Variants in BTD observed in about 807,000 individuals in gnomAD.
BTD encodes the protein biotinidase.
In BTD, 13 loss-of-function variants were observed where a neutral mutation model predicts 17.7. The ratio of observed to expected loss-of-function variants is 0.74; its 90% CI spans 0.48 to 1.17. The LOEUF is 1.17. BTD is among the 50% of genes most tolerant of loss of function. The probability of loss-of-function intolerance (pLI) is 0.00; values close to 1 mark genes in which losing one functional copy is unlikely to be tolerated. For missense variants in BTD, 674 were observed against 650.4 expected (o/e 1.04, Z -0.39); for synonymous variants, 240 against 245.2 (o/e 0.98, Z 0.20).
At chr3:15,699,393 G>A (rs2070199985) in intron 3 of BTD, among the ~76,000 whole-genome samples, 1 of 152,008 alleles carries the variant, frequency 6.6e-6, no homozygotes, top group African/African-American at 2.4e-5. Context: ...TAGACAAATG[G>A]GATCTAATTA....
At chr3:15,701,941 A>T (rs918808652) in intron 3 of BTD, among the ~76,000 whole-genome samples, 12 of 151,822 alleles carry the variant, frequency 7.9e-5, no homozygotes, top group Admixed American at 2.0e-4. Context: ...AAGGGCATTT[A>T]AAAAAAATCT....
At chr3:15,644,102 G>A (rs931894192) in intron 3 of BTD, among the ~76,000 whole-genome samples, 7 of 151,866 alleles carry the variant, frequency 4.6e-5, no homozygotes, top group Non-Finnish European at 7.4e-5. Flanking sequence ...CTGGGTTCAC[G>A]CCATTCTCCT....
intron 1 of BTD, among the ~76,000 whole-genome samples, chr3:15,603,130 CAT>C (rs1300531105): frequency 1.3e-5 from 2 of 152,224 alleles, no homozygotes; most frequent in African/African-American, 4.8e-5. Flanking sequence ...CCTCTCACCA[CAT>C]GTGGGGATTA....
Position 15,653,665 on chromosome 3 carries a change from T to A in BTD, c.*8177T>A, listed in dbSNP as rs73817041. ...ATTCAGTGATCTGGAAGAACTCTAA[T>A]GTTCTAAAGTGATTCTTTGATAATT... On this transcript the variant is annotated 3_prime_UTR_variant, in exon 4 of 4. Transcript: ENST00000643237. Among the ~76,000 whole-genome samples the A allele has an allele frequency of 0.037, 5,632 of 152,314 alleles. 278 individuals carry two copies. Among genetic ancestry groups the A allele is most frequent in the African/African-American group, 0.11 (4,709 of 41,528 alleles).
intron 3 of BTD, among the ~76,000 whole-genome samples, chr3:15,700,693 G>T (rs191957746): frequency 2.8e-4 from 42 of 152,290 alleles, no homozygotes; most frequent in African/African-American, 9.4e-4. Flanking sequence ...AGAATTGCTT[G>T]AACTCAGGAG....
chr3:15,680,511 T>C (rs1488661623), intron 3 of BTD, among the ~76,000 whole-genome samples: 1 of 151,996 alleles, frequency 6.6e-6, no homozygotes, highest in Non-Finnish European at 1.5e-5. Flanking sequence ...CCGGCTAAAA[T>C]CTTATTCTTT....
intron 3 of BTD, chr3:15,707,968 G>A (rs775156645): frequency 6.2e-7 from 1 of 1,613,052 alleles, no homozygotes; most frequent in Non-Finnish European, 8.5e-7. Flanking sequence ...GGGGTGTGCA[G>A]CCTCTTTCAT....
chr3:15,689,361 T>G (rs1027239483), intron 3 of BTD, among the ~76,000 whole-genome samples: 8 of 152,154 alleles, frequency 5.3e-5, no homozygotes, highest in Non-Finnish European at 8.8e-5. Context: ...GAGTAACCAG[T>G]AGGTGTGACA....
chr3:15,612,558 G>T (rs1163934600), intron 1 of BTD, among the ~76,000 whole-genome samples: 1 of 152,084 alleles, frequency 6.6e-6, no homozygotes, highest in Admixed American at 6.6e-5. Context: ...TGAAGATCAA[G>T]AATTTTGCTA....
At position 15,647,835 on chromosome 3, in the gene BTD, C is replaced by T. The variant is rs957227722; in HGVS notation, c.*2347C>T. 2.0e-5 allele frequency among the ~76,000 whole-genome samples: 3 copies of T among 152,128 alleles called. No individual in the cohort carries two copies. Among genetic ancestry groups the T allele is most frequent in the Non-Finnish European group, 2.9e-5 (2 of 68,018 alleles). Reference sequence around the variant, plus strand: ...CTGTGCTTTTCTGTGGTTTTTCTCACACGGGAAGTGAGAGGCACAGTGAGC... The same window carrying T: ...CTGTGCTTTTCTGTGGTTTTTCTCATACGGGAAGTGAGAGGCACAGTGAGC... On this transcript the variant is annotated 3_prime_UTR_variant, in exon 4 of 4. Coordinates refer to ENST00000643237, the MANE Select transcript of BTD (RefSeq NM_001370658.1).
chr3:15,610,585 C>T (rs756328920), intron 1 of BTD, among the ~76,000 whole-genome samples: 4 of 152,160 alleles, frequency 2.6e-5, no homozygotes, highest in Non-Finnish European at 4.4e-5. Flanking sequence ...GAATGTCAAG[C>T]TCGCATATTT....
chr3:15,652,258 G>A lies in BTD; in HGVS notation c.*6770G>A, dbSNP rs942412757. Among the ~76,000 whole-genome samples the A allele has an allele frequency of 9.2e-5, 14 of 152,232 alleles. No individual in the cohort carries two copies. The highest frequency in any genetic ancestry group is 4.6e-4 in the Admixed American group (7 of 15,298). On this transcript the variant is annotated 3_prime_UTR_variant, in exon 4 of 4. Transcript: ENST00000643237. ...GAAGAATCGCTTGAACCCGGGAGGCGGAGGTTACAATGAGCTGAGATAGCA... is the reference window on the plus strand; with the variant it reads ...GAAGAATCGCTTGAACCCGGGAGGCAGAGGTTACAATGAGCTGAGATAGCA...
chr3:15,668,565 T>C (rs1402841081), intron 3 of BTD: 1 of 152,552 alleles, frequency 6.6e-6, no homozygotes, highest in Non-Finnish European at 1.5e-5. Flanking sequence ...ACTTTATAGA[T>C]TTGTAGATAA....
At chr3:15,622,136 T>G (rs530448729) in intron 1 of BTD, among the ~76,000 whole-genome samples, 30 of 152,186 alleles carry the variant, frequency 2.0e-4, no homozygotes, top group Non-Finnish European at 3.7e-4. Flanking sequence ...TCTATTGATC[T>G]CCTGCTTTAC....
downstream of BTD, among the ~76,000 whole-genome samples, chr3:15,656,763 T>A (rs1193767869): frequency 6.6e-6 from 1 of 152,262 alleles, no homozygotes; most frequent in Non-Finnish European, 1.5e-5. Flanking sequence ...GTTTAGATTT[T>A]CTTAATCAGT....
intron 3 of BTD, among the ~76,000 whole-genome samples, chr3:15,663,146 C>T (rs938316340): frequency 7.2e-5 from 11 of 151,992 alleles, no homozygotes; most frequent in Admixed American, 2.6e-4. Flanking sequence ...TATAGGCATG[C>T]GCCGCCATGC....
chr3:15,673,565 AAAAGAGG>A (rs2125610615), intron 3 of BTD, among the ~76,000 whole-genome samples: 1 of 152,362 alleles, frequency 6.6e-6, no homozygotes, highest in South Asian at 2.1e-4. Context: ...TTTATGTAAA[AAAAGAGG>A]AAAGAGTGGA....
chr3:15,681,515 T>G (rs944582794), intron 3 of BTD, among the ~76,000 whole-genome samples: 1 of 152,240 alleles, frequency 6.6e-6, no homozygotes, highest in Non-Finnish European at 1.5e-5. Flanking sequence ...ATTTCATTAG[T>G]CATTTGGGAT....
At chr3:15,712,098 G>T in exon 4 of BTD, 1 of 1,472,976 alleles carries the variant, frequency 6.8e-7, no homozygotes, top group Non-Finnish European at 9.3e-7. Context: ...AATTTTGAGG[G>T]GTTTGAGGAG....
Sources: allele counts gnomAD v4.1 joint callset (sites outside exome capture counted in the v4.1 genomes callset), GRCh38; gene constraint gnomAD v4.1.1; transcripts MANE v1.5; gene names NCBI Gene and HGNC (gene_info 2026-07-23, HGNC 2026-07-21).